The following F2 variants were observed in gnomAD, a reference collection of about 807,000 sequenced individuals.
F2 encodes prothrombin.
Under a neutral mutation model 81.9 loss-of-function variants are expected in F2, and 34 were observed. That is an observed-to-expected ratio of 0.42 (90% CI 0.32 to 0.55). The LOEUF is 0.55. Ranked by LOEUF, F2 falls within the 20% of genes least tolerant of loss-of-function variation. F2 has a pLI of 0.18. For missense variants in F2, 630 were observed against 833.4 expected (o/e 0.76, Z 3.00); for synonymous variants, 296 against 326.4 (o/e 0.91, Z 1.01).
intron 12 of F2, among the ~76,000 whole-genome samples, chr11:46,734,930 CT>C (rs1348495065): frequency 2.6e-5 from 4 of 152,316 alleles, no homozygotes; most frequent in African/African-American, 9.6e-5. Flanking sequence ...AGATTCCTGA[CT>C]CATATGGAGT....
Position 46,719,684 on chromosome 11 carries a change from C to A in F2, c.80-18C>A, listed in dbSNP as rs570442167. 6.3e-7 allele frequency: 1 copy of A among 1,579,218 alleles called. No individual in the cohort carries two copies. The highest frequency in any genetic ancestry group is 8.6e-7 in the Non-Finnish European group (1 of 1,163,518). ...GTTCCTGAGGCCGCTGTCCCATGACCCCCCCACCGCCTTACAGTGTTCCTG... is the reference window on the plus strand; with the variant it reads ...GTTCCTGAGGCCGCTGTCCCATGACACCCCCACCGCCTTACAGTGTTCCTG... On this transcript the variant is annotated intron_variant, in intron 1 of 13. Coordinates refer to ENST00000311907, the MANE Select transcript of F2 (RefSeq NM_000506.5). The surrounding 1 kb of genome is among the most constrained non-coding windows in gnomAD (Gnocchi z 4.7).
At chr11:46,725,429 C>T (rs148767469) in intron 6 of F2, among the ~76,000 whole-genome samples, 2 of 152,202 alleles carry the variant, frequency 1.3e-5, no homozygotes, top group African/African-American at 4.8e-5. Flanking sequence ...TACTCCCCAA[C>T]CCCCATACAC....
At chr11:46,734,806 G>A (rs1236684810) in intron 12 of F2, among the ~76,000 whole-genome samples, 2 of 152,008 alleles carry the variant, frequency 1.3e-5, no homozygotes, top group African/African-American at 2.4e-5. Context: ...GCAAGACTCT[G>A]TCTCAAAAAC....
intron 12 of F2, 39 bp from the exon 13 acceptor site, chr11:46,739,009 A>G: frequency 2.5e-6 from 4 of 1,607,984 alleles, no homozygotes; most frequent in Non-Finnish European, 2.6e-6. Context: ...CTGGGCTATG[A>G]GCTATGCTCC....
rs773112047 is a variant in F2 at position 46,719,242 on chromosome 11, C to T, written c.7C>T (p.His3Tyr). 7.4e-6 allele frequency: 12 copies of T among 1,613,892 alleles called. No homozygotes were observed. In the South Asian group the frequency reaches 1.2e-4, roughly 16 times the overall value. ...ACCCAGGAGCTGACACACTATGGCG[C>T]ACGTCCGAGGCTTGCAGCTGCCTGG... is the stretch of plus-strand genomic sequence containing the variant. MA[H>Y]VRGLQLPGCL... Residue 3 changes from histidine to tyrosine, a missense_variant, in exon 1 of 14, where the codon CAC becomes TAC. Physicochemically the swap from His to Tyr is moderately conservative, Grantham distance 83. Coordinates refer to ENST00000311907, the MANE Select transcript of F2 (RefSeq NM_000506.5). This position sits in a 1 kb window ranked among gnomAD's most constrained non-coding sequence, Gnocchi z 4.7.
Position 46,723,253 on chromosome 11 carries a change from G to A in F2, c.390G>A (p.Gln130=). The part of the protein sequence containing the change: ...VNITRSGIEC[Q]LWRSRYPHKP... ...TCACCCGGTCAGGCATTGAGTGCCAGCTATGGAGGAGTCGCTACCCACATA... is the reference window on the plus strand; with the variant it reads ...TCACCCGGTCAGGCATTGAGTGCCAACTATGGAGGAGTCGCTACCCACATA... Residue 130 remains glutamine (Q), a synonymous_variant, in exon 5 of 14, where the codon CAG becomes CAA. Transcript: ENST00000311907. The surrounding 1 kb of genome is among the most constrained non-coding windows in gnomAD (Gnocchi z 5.6). 1 of 1,614,118 alleles carries A rather than the reference G, an allele frequency of 6.2e-7. No individual in the cohort carries two copies. The highest frequency in any genetic ancestry group is 8.5e-7 in the Non-Finnish European group (1 of 1,180,012).
In F2 at chr11:46,723,996, G is replaced by T. The variant is rs2064856165; in HGVS notation, c.559+478G>T. On this transcript the variant is annotated intron_variant, in intron 6 of 13. Coordinates refer to ENST00000311907, the MANE Select transcript of F2 (RefSeq NM_000506.5). The surrounding 1 kb of genome is among the most constrained non-coding windows in gnomAD (Gnocchi z 5.6). ...GTCAGGGAATCAGGGGATCTGAGTGGGGGGATCTGCCAGCCTCCTCCTCCC... is the reference window on the plus strand; with the variant it reads ...GTCAGGGAATCAGGGGATCTGAGTGTGGGGATCTGCCAGCCTCCTCCTCCC... Among the ~76,000 whole-genome samples, 1 of 152,084 alleles carries T rather than the reference G, an allele frequency of 6.6e-6. No homozygotes were observed. The highest frequency in any genetic ancestry group is 1.5e-5 in the Non-Finnish European group (1 of 68,004).
intron 12 of F2, among the ~76,000 whole-genome samples, chr11:46,738,372 A>C (rs2064957288): frequency 1.3e-5 from 2 of 152,170 alleles, no homozygotes; most frequent in South Asian, 4.1e-4. Context: ...ATACGTGGGG[A>C]GATTTGGATA....
rs749995878 is a variant in F2, at chr11:46,719,450, G to A, written c.79+136G>A. ...AGCCCCAGGCGGCCAGCTTAGGGAA[G>A]AAGTCAGGAGCTCAGGGCTGGAAAG... On this transcript the variant is annotated intron_variant, in intron 1 of 13. Coordinates refer to ENST00000311907, the MANE Select transcript of F2 (RefSeq NM_000506.5). This position sits in a 1 kb window ranked among gnomAD's most constrained non-coding sequence, Gnocchi z 4.7. 167 of 1,085,378 alleles carry A rather than the reference G, an allele frequency of 1.5e-4. No individual in the cohort carries two copies. Among genetic ancestry groups the A allele is most frequent in the Non-Finnish European group, 2.0e-4 (147 of 732,302 alleles). 67.2% of individuals were successfully genotyped at this position (1,085,378 alleles called of 1,614,324 possible). A position where few individuals can be genotyped will look rare whatever the true frequency, so the allele number is the denominator to read the frequency against.
chr11:46,723,569 G>T lies in F2; in HGVS notation c.559+51G>T. Reference sequence around the variant, plus strand: ...CATGGCCAAGGCCCGGGGGCTTCATGGGGCCTGGCAGCCTGGGATGGGAAC... The same window carrying T: ...CATGGCCAAGGCCCGGGGGCTTCATTGGGCCTGGCAGCCTGGGATGGGAAC... On this transcript the variant is annotated intron_variant, in intron 6 of 13. Transcript: ENST00000311907. The surrounding 1 kb of genome is among the most constrained non-coding windows in gnomAD (Gnocchi z 5.6). 6.4e-7 allele frequency: 1 copy of T among 1,567,368 alleles called. No homozygotes were observed. Among genetic ancestry groups the T allele is most frequent in the Non-Finnish European group, 8.7e-7 (1 of 1,154,376 alleles).
intron 12 of F2, among the ~76,000 whole-genome samples, chr11:46,735,149 A>C (rs1253544847): frequency 6.6e-6 from 1 of 152,166 alleles, no homozygotes; most frequent in African/African-American, 2.4e-5. Flanking sequence ...CTGTCTCTAC[A>C]AGAAAATATT....
At chr11:46,731,072 A>G (rs1338967850) in intron 12 of F2, among the ~76,000 whole-genome samples, 1 of 152,098 alleles carries the variant, frequency 6.6e-6, no homozygotes, top group East Asian at 1.9e-4. Flanking sequence ...ATGTACTACC[A>G]TGCCTAGCTA....
Position 46,726,767 on chromosome 11 carries a change from G to C in F2, c.1060G>C (p.Glu354Gln). 6.2e-7 allele frequency: 1 copy of C among 1,614,230 alleles called. No homozygotes were observed. Among genetic ancestry groups the C allele is most frequent in the Non-Finnish European group, 8.5e-7 (1 of 1,180,042 alleles). Reference protein sequence around the residue: ...KKSLEDKTERELLESYIDGRI... With the variant: ...KKSLEDKTERQLLESYIDGRI... Reference sequence around the variant, plus strand: ...GTCGCTGGAGGACAAAACCGAAAGAGAGCTCCTGGAATCCTACATCGACGG... The same window carrying C: ...GTCGCTGGAGGACAAAACCGAAAGACAGCTCCTGGAATCCTACATCGACGG... The change falls in exon 9 of 14, where the codon GAG becomes CAG. Residue 354 changes from glutamate (E) to glutamine (Q), a missense_variant. Coordinates refer to ENST00000311907, the MANE Select transcript of F2 (RefSeq NM_000506.5). The surrounding 1 kb of genome is among the most constrained non-coding windows in gnomAD (Gnocchi z 5.9).
chr11:46,722,460 C>T (rs141380596), intron 4 of F2, among the ~76,000 whole-genome samples: 88 of 151,978 alleles, frequency 5.8e-4, no homozygotes, highest in Middle Eastern at 3.4e-3. Context: ...TGGTGGCACG[C>T]GCCTGTAATC....
intron 9 of F2, among the ~76,000 whole-genome samples, 168 bp downstream of exon 9, chr11:46,727,005 C>CT (rs995745482): frequency 2.7e-4 from 41 of 151,772 alleles, no homozygotes; most frequent in African/African-American, 4.3e-4. Flanking sequence ...TTGTTTACTT[C>CT]TTTTTTTTTG....
Position 46,719,465 on chromosome 11 carries a change from G to A in F2, c.79+151G>A. On this transcript the variant is annotated intron_variant, in intron 1 of 13. Coordinates refer to ENST00000311907, the MANE Select transcript of F2 (RefSeq NM_000506.5). This position sits in a 1 kb window ranked among gnomAD's most constrained non-coding sequence, Gnocchi z 4.7. The stretch of plus-strand genomic sequence containing the variant: ...GCTTAGGGAAGAAGTCAGGAGCTCA[G>A]GGCTGGAAAGAGAATGGCTGCTTCT... 1 of 1,025,586 alleles carries A rather than the reference G, an allele frequency of 9.8e-7. No homozygotes were observed. The highest frequency in any genetic ancestry group is 1.6e-5 in the African/African-American group (1 of 63,032). 63.5% of individuals were successfully genotyped at this position (1,025,586 alleles called of 1,614,324 possible). A position where few individuals can be genotyped will look rare whatever the true frequency, so the allele number is the denominator to read the frequency against.
At chr11:46,731,413 T>A (rs2134539645) in intron 12 of F2, among the ~76,000 whole-genome samples, 1 of 151,944 alleles carries the variant, frequency 6.6e-6, no homozygotes, top group Non-Finnish European at 1.5e-5. Context: ...ACTCCTGACC[T>A]CGGGTAATCC....
intron 4 of F2, among the ~76,000 whole-genome samples, chr11:46,721,357 G>C (rs1324138615): frequency 6.6e-6 from 1 of 151,914 alleles, no homozygotes; most frequent in Non-Finnish European, 1.5e-5. Flanking sequence ...CATGTTTAAG[G>C]CTTCATTCTC....
rs550022835 is a variant in F2 at position 46,735,699 on chromosome 11, G to A, written c.1655-3349G>A. ...GCACTTTGGGAGGCCGAGGCGAGCG[G>A]ATCACCTGAGGTCAGGAGTTCAAGA... On this transcript the variant is annotated intron_variant, in intron 12 of 13. Coordinates refer to ENST00000311907, the MANE Select transcript of F2 (RefSeq NM_000506.5). Among the ~76,000 whole-genome samples, 231 of 151,892 alleles carry A rather than the reference G, an allele frequency of 1.5e-3. 1 individual carries two copies. Among genetic ancestry groups the A allele is most frequent in the Non-Finnish European group, 2.4e-3 (160 of 67,964 alleles).
Sources: allele counts gnomAD v4.1 joint callset (sites outside exome capture counted in the v4.1 genomes callset), GRCh38; gene constraint gnomAD v4.1.1; non-coding constraint Gnocchi (gnomAD v3.1); transcripts MANE v1.5; gene names NCBI Gene and HGNC (gene_info 2026-07-23, HGNC 2026-07-21).